The following PRKCA variants were observed in gnomAD, a reference collection of about 807,000 sequenced individuals.
PRKCA encodes the protein protein kinase C alpha.
PRKCA carries 27 observed loss-of-function variants against 87.0 expected under a neutral mutation model. The ratio of observed to expected loss-of-function variants is 0.31; its 90% CI spans 0.23 to 0.43. The LOEUF (loss-of-function observed/expected upper bound fraction) is 0.43. PRKCA is among the 20% of genes least tolerant of loss of function. The pLI, the probability that PRKCA is intolerant of heterozygous loss-of-function variation, is 1.00. For synonymous variants in PRKCA, 329 were observed against 311.1 expected (o/e 1.06, Z -0.61); for missense variants, 518 against 852.3 (o/e 0.61, Z 4.88).
chr17:66,364,974 A>T (rs1260743646), intron 2 of PRKCA, among the ~76,000 whole-genome samples: 5 of 152,178 alleles, frequency 3.3e-5, no homozygotes, highest in African/African-American at 1.2e-4. Flanking sequence ...GGTTTTTGAA[A>T]AGCAGTAGTT....
intron 3 of PRKCA, among the ~76,000 whole-genome samples, chr17:66,530,530 G>T (rs906475476): frequency 6.6e-6 from 1 of 152,188 alleles, no homozygotes; most frequent in Admixed American, 6.5e-5. Context: ...TCAGCCCTCA[G>T]CTTGACTCTC....
At position 66,602,544 on chromosome 17, in the gene PRKCA, T is replaced by G. The variant is rs867835929; in HGVS notation, c.289-38811T>G. Among the ~76,000 whole-genome samples the G allele has an allele frequency of 2.1e-4, 32 of 152,300 alleles. 1 individual carries two copies. The highest frequency in any genetic ancestry group is 9.1e-4 in the Admixed American group (14 of 15,308). The stretch of plus-strand genomic sequence containing the variant: ...CACCCGTCTTCTGCGTCGCTCACGC[T>G]GGGAGCTGTAGACCGGAGCTGTTCC... On this transcript the variant is annotated intron_variant, in intron 3 of 16. Coordinates refer to ENST00000413366, the MANE Select transcript of PRKCA (RefSeq NM_002737.3).
Position 66,387,035 on chromosome 17 carries a change from A to G in PRKCA, c.205+80908A>G, listed in dbSNP as rs184455133. Among the ~76,000 whole-genome samples the G allele has an allele frequency of 8.0e-4, 122 of 152,348 alleles. 2 individuals carry two copies. The highest frequency in any genetic ancestry group is 7.1e-3 in the Admixed American group (109 of 15,290). ...CAACAAGGTGCCTGACTAAGAGAGT[A>G]AAGGTTACTTCCTGCATGTTTAATG... On this transcript the variant is annotated intron_variant, in intron 2 of 16. Transcript: ENST00000413366.
chr17:66,686,889 C>T (rs1360207405), intron 5 of PRKCA, among the ~76,000 whole-genome samples: 1 of 152,152 alleles, frequency 6.6e-6, no homozygotes, highest in Non-Finnish European at 1.5e-5. Flanking sequence ...TGCTAAGTCC[C>T]AAGACCCACC....
At chr17:66,642,327 C>T (rs1971320443) in intron 4 of PRKCA, among the ~76,000 whole-genome samples, 1 of 152,050 alleles carries the variant, frequency 6.6e-6, no homozygotes, top group Admixed American at 6.5e-5. Context: ...GATGGGGTTT[C>T]ACTGTGTTAG....
chr17:66,591,319 AT>A (rs5821514), intron 3 of PRKCA, among the ~76,000 whole-genome samples: 199 of 145,902 alleles, frequency 1.4e-3, no homozygotes, highest in South Asian at 5.1e-3. Context: ...TGCCCAGCTA[AT>A]TTTTTTTTTT....
chr17:66,513,076 T>C (rs1286898674), intron 3 of PRKCA, among the ~76,000 whole-genome samples: 1 of 152,196 alleles, frequency 6.6e-6, no homozygotes, highest in African/African-American at 2.4e-5. Context: ...TACTTGATTA[T>C]TGGGTATCTT....
At chr17:66,564,785 G>A (rs1287446370) in intron 3 of PRKCA, among the ~76,000 whole-genome samples, 2 of 152,096 alleles carry the variant, frequency 1.3e-5, no homozygotes, top group Non-Finnish European at 2.9e-5. Context: ...TTCAAGACCA[G>A]CCTGGCCAAG....
At chr17:66,335,394 C>G (rs1363271641) in intron 2 of PRKCA, among the ~76,000 whole-genome samples, 2 of 151,988 alleles carry the variant, frequency 1.3e-5, no homozygotes, top group Admixed American at 6.6e-5. Flanking sequence ...CTTGGCCTCT[C>G]AAAGTGCTGG....
At chr17:66,649,662 C>T (rs1877150668) in intron 5 of PRKCA, among the ~76,000 whole-genome samples, 1 of 152,172 alleles carries the variant, frequency 6.6e-6, no homozygotes, top group African/African-American at 2.4e-5. Context: ...TTGGAACAAA[C>T]AATTAACCCA....
chr17:66,766,043 T>G (rs1268770255), intron 13 of PRKCA, among the ~76,000 whole-genome samples: 1 of 152,210 alleles, frequency 6.6e-6, no homozygotes, highest in Non-Finnish European at 1.5e-5. Flanking sequence ...TTGTTACAAT[T>G]GAAGGCACTG....
intron 3 of PRKCA, among the ~76,000 whole-genome samples, chr17:66,603,040 CT>C (rs1970100486): frequency 6.6e-6 from 1 of 152,188 alleles, no homozygotes; most frequent in Non-Finnish European, 1.5e-5. Flanking sequence ...TGAGCCTAAT[CT>C]TTCATGGTCA....
chr17:66,688,260 G>A (rs1972683781), intron 6 of PRKCA, 42 bp from the exon 7 acceptor site: 2 of 1,606,674 alleles, frequency 1.2e-6, no homozygotes, highest in East Asian at 4.5e-5. Context: ...AAGAAACCAT[G>A]ATCAAGATAA....
chr17:66,449,987 T>G (rs1298005247), intron 2 of PRKCA, among the ~76,000 whole-genome samples: 1 of 152,110 alleles, frequency 6.6e-6, no homozygotes, highest in Non-Finnish European at 1.5e-5. Flanking sequence ...TTCAAGGAGG[T>G]ATACCTTGGG....
chr17:66,423,768 C>G (rs1268829106), intron 2 of PRKCA, among the ~76,000 whole-genome samples: 2 of 152,042 alleles, frequency 1.3e-5, no homozygotes, highest in Non-Finnish European at 2.9e-5. Flanking sequence ...TAGAACTTTG[C>G]ATGGATAACT....
chr17:66,728,320 G>A (rs1266499090), intron 8 of PRKCA, among the ~76,000 whole-genome samples: 2 of 152,288 alleles, frequency 1.3e-5, no homozygotes, highest in South Asian at 2.1e-4. Flanking sequence ...TGGTCAGCCT[G>A]CCCTGGACCC....
chr17:66,798,192 C>G (rs1399691499), intron 16 of PRKCA, among the ~76,000 whole-genome samples: 1 of 152,192 alleles, frequency 6.6e-6, no homozygotes, highest in Non-Finnish European at 1.5e-5. Context: ...CTTCTTGCTC[C>G]CTGCTCAGCT....
chr17:66,646,708 A>T (rs553654688), intron 5 of PRKCA, among the ~76,000 whole-genome samples: 1 of 152,300 alleles, frequency 6.6e-6, no homozygotes, highest in Non-Finnish European at 1.5e-5. Context: ...CTTTGGAAAC[A>T]TCCTCAGGTT....
At chr17:66,366,581 G>A (rs989216062) in intron 2 of PRKCA, among the ~76,000 whole-genome samples, 5 of 151,794 alleles carry the variant, frequency 3.3e-5, no homozygotes, top group Non-Finnish European at 5.9e-5. Flanking sequence ...ATTTGTCAAA[G>A]TTAAATAATA....
Sources: allele counts gnomAD v4.1 joint callset (sites outside exome capture counted in the v4.1 genomes callset), GRCh38; gene constraint gnomAD v4.1.1; transcripts MANE v1.5; gene names NCBI Gene and HGNC (gene_info 2026-07-23, HGNC 2026-07-21).